Variants in PSMC4 observed in about 807,000 individuals in gnomAD.
The protein encoded by PSMC4 is 26S proteasome regulatory subunit 6B.
PSMC4 carries 13 observed loss-of-function variants against 48.4 expected under a neutral mutation model. The observed-to-expected ratio is 0.27, with a 90% confidence interval of 0.18 to 0.43. The LOEUF is 0.43. Ranked by LOEUF, PSMC4 falls within the 20% of genes least tolerant of loss-of-function variation. The probability of loss-of-function intolerance (pLI) is 1.00; values close to 1 mark genes in which losing one functional copy is unlikely to be tolerated. For missense variants in PSMC4, 262 were observed against 555.9 expected (o/e 0.47, Z 5.32); for synonymous variants, 202 against 212.3 (o/e 0.95, Z 0.42).
At chr19:39,976,044 C>T (rs1027788910) in intron 6 of PSMC4, among the ~76,000 whole-genome samples, 4 of 151,728 alleles carry the variant, frequency 2.6e-5, no homozygotes, top group East Asian at 1.9e-4. Flanking sequence ...ATCAGGAGAT[C>T]GAGACCACAG....
chr19:39,980,195 A>G lies in PSMC4; in HGVS notation c.918+49A>G, dbSNP rs781555175. On this transcript the variant is annotated intron_variant, in intron 8 of 10. Transcript: ENST00000157812. The surrounding 1 kb of genome is among the most constrained non-coding windows in gnomAD (Gnocchi z 4.8). ...GGGAGGTGTGGTGTAGGAACTGGGGAAAGTTGGGGGCTGGCACCTAAGGGG... is the reference window on the plus strand; with the variant it reads ...GGGAGGTGTGGTGTAGGAACTGGGGGAAGTTGGGGGCTGGCACCTAAGGGG... 6.2e-7 allele frequency: 1 copy of G among 1,613,468 alleles called. No homozygotes were observed. The highest frequency in any genetic ancestry group is 1.1e-5 in the South Asian group (1 of 91,038).
intron 6 of PSMC4, among the ~76,000 whole-genome samples, chr19:39,975,367 C>A (rs75375619): frequency 1.3e-5 from 2 of 151,870 alleles, no homozygotes; most frequent in African/African-American, 4.9e-5. Flanking sequence ...GATCCTCCCA[C>A]AGTGCTGGGA....
At chr19:39,978,208 G>A (rs997130577) in intron 6 of PSMC4, among the ~76,000 whole-genome samples, 4 of 152,148 alleles carry the variant, frequency 2.6e-5, no homozygotes, top group Non-Finnish European at 5.9e-5. Context: ...GCCCATTCCA[G>A]GATAGGTGGA....
rs779468222 is a variant in PSMC4 at position 39,980,361 on chromosome 19, G to C, written c.994G>C (p.Glu332Gln). The C allele has an allele frequency of 3.1e-6, 5 of 1,614,098 alleles. No individual in the cohort carries two copies. In the Admixed American group the frequency reaches 6.7e-5, roughly 22 times the overall value. The change falls in exon 9 of 11, where the codon GAA (glutamate) becomes CAA (glutamine). Residue 332 changes from glutamate to glutamine, a missense_variant. Around this residue, in one of 4 missense-constraint regions of PSMC4, gnomAD observed 84 missense variants for 157.8 expected, o/e 0.53. Coordinates refer to ENST00000157812, the MANE Select transcript of PSMC4 (RefSeq NM_006503.4). The surrounding 1 kb of genome is among the most constrained non-coding windows in gnomAD (Gnocchi z 4.8). ...LRPGRLDRKIEFPLPDRRQKR... is the reference protein window; with the variant it reads ...LRPGRLDRKIQFPLPDRRQKR... The stretch of plus-strand genomic sequence containing the variant: ...GCCAGGACGGCTGGACCGTAAAATT[G>C]AATTTCCACTTCCTGACCGCCGCCA...
rs1373465257 is a variant in PSMC4 at position 39,971,520 on chromosome 19, G to A, written c.36+282G>A. ...TGGCCGGTAGTGCTTAGTGAGGTCG[G>A]TGGCCCGGCGTTGGGATTGGGTCAG... On this transcript the variant is annotated intron_variant, in intron 1 of 10. Coordinates refer to ENST00000157812, the MANE Select transcript of PSMC4 (RefSeq NM_006503.4). 2.6e-5 allele frequency among the ~76,000 whole-genome samples: 4 copies of A among 152,186 alleles called. No homozygotes were observed. The East Asian group carries it at 5.8e-4, about 22-fold the overall frequency.
chr19:39,971,925 GATAAC>G (rs1275609923), intron 1 of PSMC4, among the ~76,000 whole-genome samples: 2 of 152,234 alleles, frequency 1.3e-5, no homozygotes, highest in East Asian at 3.9e-4. Flanking sequence ...AGTGGTATAT[GATAAC>G]ATAAGATCTG....
chr19:39,972,315 T>G, intron 2 of PSMC4, 54 bp from the exon 3 acceptor site: 1 of 1,610,464 alleles, frequency 6.2e-7, no homozygotes, highest in Non-Finnish European at 8.5e-7. Context: ...TTTCCACCAC[T>G]CTCTGGATCA....
At position 39,972,173 on chromosome 19, in the gene PSMC4, C is replaced by T. The variant is rs1056775620; in HGVS notation, c.64C>T (p.Arg22Trp). 10 of 1,613,966 alleles carry T rather than the reference C, an allele frequency of 6.2e-6. No individual in the cohort carries two copies. Among genetic ancestry groups the T allele is most frequent in the Admixed American group, 1.7e-5 (1 of 59,988 alleles). ...TGAGATCCCAGCACTGTCCGTGTCC[C>T]GGCCCCAGACCGGCCTGTCCTTCCT... ...QDEIPALSVS[R>W]PQTGLSFLGP... The change falls in exon 2 of 11, where the codon CGG becomes TGG. Residue 22 changes from arginine to tryptophan, a missense_variant. Arg to Trp is a moderately radical substitution (Grantham distance 101). Coordinates refer to ENST00000157812, the MANE Select transcript of PSMC4 (RefSeq NM_006503.4).
chr19:39,976,114 G>A (rs1229846352), intron 6 of PSMC4, among the ~76,000 whole-genome samples: 2 of 151,904 alleles, frequency 1.3e-5, no homozygotes, highest in East Asian at 1.9e-4. Context: ...GCGGTCGCCT[G>A]TAGTCCCAGC....
At chr19:39,975,949 G>T (rs1971190526) in intron 6 of PSMC4, among the ~76,000 whole-genome samples, 1 of 152,124 alleles carries the variant, frequency 6.6e-6, no homozygotes, top group Non-Finnish European at 1.5e-5. Flanking sequence ...AGGATGTGTT[G>T]TAGATGCTAG....
In PSMC4 at chr19:39,980,324, G is replaced by T; in HGVS notation, c.957G>T (p.Pro319=). 6.2e-7 allele frequency: 1 copy of T among 1,614,058 alleles called. No homozygotes were observed. Among genetic ancestry groups the T allele is most frequent in the South Asian group, 1.1e-5 (1 of 91,080 alleles). ...MATNRADTLD[P]ALLRPGRLDR... Reference sequence around the variant, plus strand: ...CAAACAGAGCAGACACCCTGGATCCGGCCCTGCTACGGCCAGGACGGCTGG... The same window carrying T: ...CAAACAGAGCAGACACCCTGGATCCTGCCCTGCTACGGCCAGGACGGCTGG... Residue 319 remains proline (P), a synonymous_variant, in exon 9 of 11, where the codon CCG becomes CCT. Coordinates refer to ENST00000157812, the MANE Select transcript of PSMC4 (RefSeq NM_006503.4). The surrounding 1 kb of genome is among the most constrained non-coding windows in gnomAD (Gnocchi z 4.8).
Position 39,974,722 on chromosome 19 carries a change from C to T in PSMC4, c.580-13C>T. On this transcript the variant is annotated splice_polypyrimidine_tract_variant and intron_variant, in intron 5 of 10. Coordinates refer to ENST00000157812, the MANE Select transcript of PSMC4 (RefSeq NM_006503.4). This position sits in a 1 kb window ranked among gnomAD's most constrained non-coding sequence, Gnocchi z 5.5. ...CCCTGACTCCCACTTCTCTTCCTTC[C>T]TCTGGGTTTCAGATCGGCATCGATC... is the stretch of plus-strand genomic sequence containing the variant. 1 of 1,613,816 alleles carries T rather than the reference C, an allele frequency of 6.2e-7. No homozygotes were observed. Among genetic ancestry groups the T allele is most frequent in the Non-Finnish European group, 8.5e-7 (1 of 1,179,744 alleles).
rs1971272485 is a variant in PSMC4 at position 39,980,545 on chromosome 19, G to A, written c.1087+91G>A. The A allele has an allele frequency of 6.3e-7, 1 of 1,589,792 alleles. No individual in the cohort carries two copies. Among genetic ancestry groups the A allele is most frequent in the Non-Finnish European group, 8.6e-7 (1 of 1,159,422 alleles). ...TTCTGCCAGCACCACAGCCCAGACT[G>A]TGCAGGTGGGACCAAGGTCCAGGGA... On this transcript the variant is annotated intron_variant, in intron 9 of 10. Coordinates refer to ENST00000157812, the MANE Select transcript of PSMC4 (RefSeq NM_006503.4). This position sits in a 1 kb window ranked among gnomAD's most constrained non-coding sequence, Gnocchi z 4.8.
chr19:39,977,156 AT>A lies in PSMC4; in HGVS notation c.673+2339del, dbSNP rs201279892. On this transcript the variant is annotated intron_variant, in intron 6 of 10. Coordinates refer to ENST00000157812, the MANE Select transcript of PSMC4 (RefSeq NM_006503.4). ...GCGTGAGCCACTGCACCCGGCTGTGATTTTTTTTTTTAAGCTCATCACCTAT... is the reference window on the plus strand; with the variant it reads ...GCGTGAGCCACTGCACCCGGCTGTGATTTTTTTTTTAAGCTCATCACCTAT... Among the ~76,000 whole-genome samples, 1,291 of 147,880 alleles carry A rather than the reference AT, an allele frequency of 8.7e-3. 18 individuals are homozygous for A. The highest frequency in any genetic ancestry group is 0.03 in the African/African-American group (1,217 of 40,524).
chr19:39,975,438 A>G (rs1971181377), intron 6 of PSMC4, among the ~76,000 whole-genome samples: 1 of 151,520 alleles, frequency 6.6e-6, no homozygotes, highest in African/African-American at 2.4e-5. Context: ...GGTGCCAGAC[A>G]AAAATGTCTG....
In PSMC4 at chr19:39,974,208, T is replaced by C. The variant is rs1275649280; in HGVS notation, c.323-86T>C. ...CCCCTCAGGGTCTGAACCAGAGATGTTGGGGTGTGGAGATTAGGAGGGAGG... is the reference window on the plus strand; with the variant it reads ...CCCCTCAGGGTCTGAACCAGAGATGCTGGGGTGTGGAGATTAGGAGGGAGG... On this transcript the variant is annotated intron_variant, in intron 3 of 10. Transcript: ENST00000157812. This position sits in a 1 kb window ranked among gnomAD's most constrained non-coding sequence, Gnocchi z 5.5. 7.2e-6 allele frequency: 11 copies of C among 1,526,760 alleles called. No individual in the cohort carries two copies. Among genetic ancestry groups the C allele is most frequent in the African/African-American group, 2.7e-5 (2 of 73,250 alleles). 94.6% of individuals were successfully genotyped at this position (1,526,760 alleles called of 1,614,324 possible).
intron 1 of PSMC4, among the ~76,000 whole-genome samples, chr19:39,971,586 A>G (rs1971102610): frequency 6.6e-6 from 1 of 151,986 alleles, no homozygotes; most frequent in Non-Finnish European, 1.5e-5. Context: ...CGGCCGAGTG[A>G]TCCCCGGGTC....
Position 39,980,051 on chromosome 19 carries a change from CTG to C in PSMC4, c.842-16_842-15del, listed in dbSNP as rs764601789. 1.9e-5 allele frequency: 30 copies of C among 1,613,990 alleles called. No homozygotes were observed. The highest frequency in any genetic ancestry group is 2.3e-5 in the Non-Finnish European group (27 of 1,180,016). ...TGTCGCATGGGATGCCTGGGACTGACTGTGCTGTGCACTCTCAGCCGACAGGG... is the reference window on the plus strand; with the variant it reads ...TGTCGCATGGGATGCCTGGGACTGACTGCTGTGCACTCTCAGCCGACAGGG... On this transcript the variant is annotated splice_polypyrimidine_tract_variant and intron_variant, in intron 7 of 10. Coordinates refer to ENST00000157812, the MANE Select transcript of PSMC4 (RefSeq NM_006503.4). This position sits in a 1 kb window ranked among gnomAD's most constrained non-coding sequence, Gnocchi z 4.8.
chr19:39,980,643 T>C lies in PSMC4; in HGVS notation c.1088-19T>C. On this transcript the variant is annotated intron_variant, in intron 9 of 10. Coordinates refer to ENST00000157812, the MANE Select transcript of PSMC4 (RefSeq NM_006503.4). The surrounding 1 kb of genome is among the most constrained non-coding windows in gnomAD (Gnocchi z 4.8). The stretch of plus-strand genomic sequence containing the variant: ...ATTTACCCCATCACACAGGGAATAG[T>C]TTCCTTAACTCGCTGCAGATGTGGC... The C allele has an allele frequency of 6.2e-7, 1 of 1,613,662 alleles. No individual in the cohort carries two copies. Among genetic ancestry groups the C allele is most frequent in the Non-Finnish European group, 8.5e-7 (1 of 1,179,658 alleles).
Sources: gnomAD v4.1 joint callset for allele counts (sites outside exome capture counted in the v4.1 genomes callset) on GRCh38, gnomAD v4.1.1 for gene constraint, gnomAD v4.1.1 regional missense constraint, Gnocchi (gnomAD v3.1) non-coding constraint, MANE v1.5 for transcripts, NCBI Gene and HGNC (gene_info 2026-07-23, HGNC 2026-07-21) for gene names.